The following FAM13C variants were observed in gnomAD, a reference collection of about 807,000 sequenced individuals.
The protein encoded by FAM13C is protein FAM13C.
Under a neutral mutation model 73.2 loss-of-function variants are expected in FAM13C, and 37 were observed. The observed-to-expected ratio is 0.51, with a 90% CI of 0.39 to 0.67. The LOEUF (loss-of-function observed/expected upper bound fraction) is 0.67, where lower values mean the gene tolerates loss of function less well. FAM13C is among the 30% of genes least tolerant of loss of function. The probability of loss-of-function intolerance (pLI) is 0.00; values close to 1 mark genes in which losing one functional copy is unlikely to be tolerated. For synonymous variants in FAM13C, 246 were observed against 260.9 expected, an observed-to-expected ratio of 0.94 and a Z score of 0.55; for missense variants, 589 against 715.6, an observed-to-expected ratio of 0.82 and a Z score of 2.02.
intron 8 of FAM13C, among the ~76,000 whole-genome samples, chr10:59,265,329 G>GTGC (rs1564495021): frequency 3.8e-5 from 2 of 52,616 alleles, no homozygotes; most frequent in African/African-American, 1.3e-4. Context: ...TGGCGGGGGG[G>GTGC]GGGGGGAATC....
upstream of FAM13C, chr10:59,362,634 G>C (rs1386283644): frequency 5.0e-6 from 7 of 1,411,382 alleles, no homozygotes; most frequent in South Asian, 1.5e-5. Flanking sequence ...CCAGCGGCAC[G>C]GGCGAACCAC....
intron 6 of FAM13C, among the ~76,000 whole-genome samples, chr10:59,272,961 A>C (rs1843886097): frequency 6.6e-6 from 1 of 152,188 alleles, no homozygotes; most frequent in East Asian, 1.9e-4. Flanking sequence ...GATTAACAAC[A>C]ACAACTAACA....
In FAM13C at chr10:59,315,849, T is replaced by G. The variant is rs572958475; in HGVS notation, c.443+8139A>C. Among the ~76,000 whole-genome samples the G allele has an allele frequency of 4.7e-4, 71 of 152,354 alleles. 2 individuals carry two copies. In the South Asian group the frequency reaches 0.014, roughly 30 times the overall value. On this transcript the variant is annotated intron_variant, in intron 4 of 13. Transcript: ENST00000618804. ...CAACACATACAGAAATCCAGCCACA[T>G]GACTTTTATCTAGTTCTCTCAAAGT... is the stretch of plus-strand genomic sequence containing the variant.
intron 3 of FAM13C, among the ~76,000 whole-genome samples, chr10:59,348,150 C>A (rs1025249924): frequency 6.6e-6 from 1 of 152,136 alleles, no homozygotes; most frequent in African/African-American, 2.4e-5. Context: ...TTTTCAGTTT[C>A]AAAGAGGGTT....
intron 4 of FAM13C, among the ~76,000 whole-genome samples, chr10:59,314,503 A>G (rs1435897404): frequency 6.6e-6 from 1 of 152,164 alleles, no homozygotes; most frequent in Non-Finnish European, 1.5e-5. Flanking sequence ...TCTTTACACT[A>G]CAGTATCTTG....
intron 10 of FAM13C, among the ~76,000 whole-genome samples, chr10:59,258,295 G>A (rs976738167): frequency 1.3e-5 from 2 of 152,046 alleles, no homozygotes; most frequent in African/African-American, 4.8e-5. Context: ...ACCAGCCTGG[G>A]CAAAAGTGAG....
intron 9 of FAM13C, 82 bp from the exon 10 acceptor site, chr10:59,262,727 C>T (rs991662005): frequency 1.1e-5 from 13 of 1,177,526 alleles, no homozygotes; most frequent in African/African-American, 1.5e-5. Context: ...AATTCCTTCC[C>T]CTGATGCCAA....
chr10:59,357,189 T>C (rs1029145288), intron 1 of FAM13C, among the ~76,000 whole-genome samples: 4 of 152,182 alleles, frequency 2.6e-5, no homozygotes, highest in Non-Finnish European at 2.9e-5. Context: ...AAACTCCCCT[T>C]CGAACATACA....
intron 4 of FAM13C, among the ~76,000 whole-genome samples, chr10:59,313,229 A>G (rs953531339): frequency 1.3e-5 from 2 of 152,130 alleles, no homozygotes; most frequent in African/African-American, 4.8e-5. Flanking sequence ...TCCTTCCCAA[A>G]GCATATTTGC....
At chr10:59,282,832 GA>G (rs373706560) in intron 6 of FAM13C, 32,071 of 146,502 alleles carry the variant, frequency 0.22, 4,274 homozygotes, top group African/African-American at 0.38. Flanking sequence ...GGAAATTAAT[GA>G]AAAAAAAAAA....
chr10:59,311,005 C>T (rs1848850633), intron 4 of FAM13C, among the ~76,000 whole-genome samples: 1 of 152,204 alleles, frequency 6.6e-6, no homozygotes, highest in Non-Finnish European at 1.5e-5. Context: ...AAGGGAGGAA[C>T]TTCTTTGAGT....
intron 6 of FAM13C, among the ~76,000 whole-genome samples, chr10:59,280,802 G>A (rs1051549781): frequency 1.3e-5 from 2 of 152,172 alleles, no homozygotes; most frequent in African/African-American, 2.4e-5. Context: ...CTTACTAGGT[G>A]GAACTGATCT....
chr10:59,254,705 C>T (rs1338753423), intron 10 of FAM13C, among the ~76,000 whole-genome samples: 4 of 151,952 alleles, frequency 2.6e-5, no homozygotes, highest in East Asian at 3.9e-4. Flanking sequence ...TGGGTTCAAG[C>T]GATTCTCTTG....
intron 5 of FAM13C, among the ~76,000 whole-genome samples, chr10:59,284,528 T>C (rs1207117114): frequency 6.8e-6 from 1 of 146,744 alleles, no homozygotes; most frequent in Admixed American, 6.8e-5. Context: ...CCCCACACAG[T>C]GTCACTCCCA....
intron 13 of FAM13C, among the ~76,000 whole-genome samples, chr10:59,249,500 T>A (rs954220714): frequency 4.7e-5 from 7 of 149,920 alleles, no homozygotes; most frequent in African/African-American, 1.7e-4. Context: ...ATATAAAACA[T>A]ACTAAAGTGC....
chr10:59,290,097 A>G (rs897676488), intron 5 of FAM13C, among the ~76,000 whole-genome samples: 4 of 152,164 alleles, frequency 2.6e-5, no homozygotes, highest in Non-Finnish European at 5.9e-5. Context: ...TTAAAAAGCT[A>G]ATTTTTCCCA....
intron 8 of FAM13C, among the ~76,000 whole-genome samples, chr10:59,265,335 G>GCGGA (rs78422182): frequency 0.028 from 443 of 16,062 alleles, 124 homozygotes; most frequent in African/African-American, 0.11. Context: ...GGGGGGGGGG[G>GCGGA]AATCCTGGTT....
intron 9 of FAM13C, 126 bp downstream of exon 9, chr10:59,263,953 GAGTTAC>G: frequency 1.2e-6 from 1 of 806,668 alleles, no homozygotes; most frequent in Non-Finnish European, 2.1e-6. Context: ...TTTCAAAAGG[GAGTTAC>G]AGTCTAAGCA....
intron 4 of FAM13C, among the ~76,000 whole-genome samples, chr10:59,319,236 A>T (rs1849907141): frequency 6.6e-6 from 1 of 152,164 alleles, no homozygotes; most frequent in African/African-American, 2.4e-5. Flanking sequence ...TTCATCTGGA[A>T]TGTCAAAAAA....
Sources: gnomAD v4.1 joint callset for allele counts (sites outside exome capture counted in the v4.1 genomes callset) on GRCh38, gnomAD v4.1.1 for gene constraint, MANE v1.5 for transcripts, NCBI Gene and HGNC (gene_info 2026-07-23, HGNC 2026-07-21) for gene names.